The following MAML2 variants were observed in gnomAD, a reference collection of about 807,000 sequenced individuals.
The protein encoded by MAML2 is mastermind-like protein 2.
In MAML2, 22 loss-of-function variants were observed where a neutral mutation model predicts 96.1. The ratio of observed to expected loss-of-function variants is 0.23; its 90% CI spans 0.16 to 0.33. The LOEUF (loss-of-function observed/expected upper bound fraction) is 0.33. MAML2 is among the 10% of genes least tolerant of loss of function. MAML2 has a pLI of 1.00. For missense variants in MAML2, 1,367 were observed against 1,392.4 expected (o/e 0.98, Z 0.29); for synonymous variants, 561 against 521.3 (o/e 1.08, Z -1.04).
intron 4 of MAML2, among the ~76,000 whole-genome samples, chr11:95,981,147 C>T (rs562429551): frequency 3.0e-4 from 46 of 152,106 alleles, no homozygotes; most frequent in Non-Finnish European, 5.4e-4. Context: ...TCCTTTTTGC[C>T]GAATAAATTC....
intron 1 of MAML2, among the ~76,000 whole-genome samples, chr11:96,319,809 C>T (rs935409275): frequency 1.3e-5 from 2 of 152,144 alleles, no homozygotes; most frequent in Non-Finnish European, 2.9e-5. Context: ...AACTTAAATT[C>T]TAGGTTAGGG....
intron 4 of MAML2, among the ~76,000 whole-genome samples, chr11:95,983,466 A>G (rs1857774331): frequency 6.6e-6 from 1 of 152,152 alleles, no homozygotes; most frequent in Non-Finnish European, 1.5e-5. Flanking sequence ...GCTAGATAGG[A>G]GGAATAAGTC....
At chr11:96,235,300 C>T (rs1422100988) in intron 1 of MAML2, among the ~76,000 whole-genome samples, 2 of 152,180 alleles carry the variant, frequency 1.3e-5, no homozygotes, top group African/African-American at 4.8e-5. Context: ...CATAGACACA[C>T]TCTTTTGTTT....
chr11:96,246,310 G>A (rs918200272), intron 1 of MAML2, among the ~76,000 whole-genome samples: 2 of 152,128 alleles, frequency 1.3e-5, no homozygotes, highest in East Asian at 3.8e-4. Context: ...GGATTCTGAA[G>A]TATAAGGAGG....
intron 2 of MAML2, among the ~76,000 whole-genome samples, chr11:96,053,420 T>A (rs1859017069): frequency 6.6e-6 from 1 of 152,208 alleles, no homozygotes; most frequent in Non-Finnish European, 1.5e-5. Context: ...TAAATTGCTC[T>A]TCTCCCCGAC....
At chr11:96,029,836 T>C (rs1858583215) in intron 2 of MAML2, among the ~76,000 whole-genome samples, 1 of 152,140 alleles carries the variant, frequency 6.6e-6, no homozygotes, top group African/African-American at 2.4e-5. Flanking sequence ...AGAAACCCCA[T>C]CTCATGTCAA....
chr11:96,081,610 T>C (rs923753346), intron 2 of MAML2, among the ~76,000 whole-genome samples: 2 of 152,214 alleles, frequency 1.3e-5, no homozygotes, highest in Non-Finnish European at 2.9e-5. Flanking sequence ...AAATCACCCA[T>C]TGCAAGTTTC....
intron 1 of MAML2, among the ~76,000 whole-genome samples, chr11:96,175,113 C>T (rs1326037266): frequency 2.0e-5 from 3 of 152,172 alleles, no homozygotes; most frequent in Non-Finnish European, 4.4e-5. Context: ...TTAATCTAAG[C>T]CTTCTAATAA....
At chr11:96,185,048 C>T (rs541887137) in intron 1 of MAML2, among the ~76,000 whole-genome samples, 1 of 152,196 alleles carries the variant, frequency 6.6e-6, no homozygotes, top group East Asian at 1.9e-4. Context: ...TTTTATTCAT[C>T]CAATTGGCAC....
intron 1 of MAML2, among the ~76,000 whole-genome samples, chr11:96,283,317 T>A (rs967089610): frequency 6.6e-5 from 10 of 152,210 alleles, no homozygotes; most frequent in Admixed American, 1.3e-4. Context: ...AGAAATTAAG[T>A]AAGGGCACTC....
At chr11:96,164,454 C>T (rs76562119) in intron 1 of MAML2, among the ~76,000 whole-genome samples, 1,618 of 152,288 alleles carry the variant, frequency 0.011, 14 homozygotes, top group African/African-American at 0.023. Context: ...TAACAGAGTC[C>T]TATGGCACCT....
chr11:96,067,096 G>A (rs1288142924), intron 2 of MAML2, among the ~76,000 whole-genome samples: 2 of 152,204 alleles, frequency 1.3e-5, no homozygotes, highest in East Asian at 3.8e-4. Flanking sequence ...GGAGGGTTCT[G>A]AGTGGGGAGG....
intron 2 of MAML2, among the ~76,000 whole-genome samples, chr11:96,012,453 C>T (rs926800035): frequency 1.3e-5 from 2 of 152,212 alleles, no homozygotes; most frequent in Non-Finnish European, 2.9e-5. Context: ...TCTCTGTGCT[C>T]CACTGTGCCA....
At chr11:96,185,042 A>T (rs1209025731) in intron 1 of MAML2, among the ~76,000 whole-genome samples, 2 of 152,198 alleles carry the variant, frequency 1.3e-5, no homozygotes, top group African/African-American at 4.8e-5. Flanking sequence ...TTTAGATTTT[A>T]TTCATCCAAT....
chr11:96,300,776 A>T (rs1863374995), intron 1 of MAML2, among the ~76,000 whole-genome samples: 2 of 152,216 alleles, frequency 1.3e-5, no homozygotes, highest in Admixed American at 6.5e-5. Flanking sequence ...GGCTTCGGAC[A>T]ATGAGCAGGA....
intron 2 of MAML2, among the ~76,000 whole-genome samples, chr11:96,047,739 TC>T (rs961577374): frequency 2.6e-5 from 4 of 151,140 alleles, no homozygotes; most frequent in African/African-American, 9.7e-5. Context: ...TGAAACCCTG[TC>T]TCTACTAAAA....
chr11:96,040,546 C>T (rs1171039568), intron 2 of MAML2, among the ~76,000 whole-genome samples: 1 of 152,168 alleles, frequency 6.6e-6, no homozygotes, highest in Non-Finnish European at 1.5e-5. Context: ...GCGGGTGGAT[C>T]ACCTGAGGTC....
At chr11:96,080,695 G>C (rs1281136429) in intron 2 of MAML2, among the ~76,000 whole-genome samples, 1 of 152,178 alleles carries the variant, frequency 6.6e-6, no homozygotes, top group Admixed American at 6.5e-5. Flanking sequence ...CAATGATTAA[G>C]TATTTGCCGA....
At chr11:96,240,579 A>AAAAAAAAAAAAAAC (rs1862423681) in intron 1 of MAML2, among the ~76,000 whole-genome samples, 1 of 148,782 alleles carries the variant, frequency 6.7e-6, no homozygotes, top group Non-Finnish European at 1.5e-5. Context: ...AAAAAAAAAA[A>AAAAAAAAAAAAAAC]AAAAGAAAGC....
Sources: allele counts gnomAD v4.1 joint callset (sites outside exome capture counted in the v4.1 genomes callset), GRCh38; gene constraint gnomAD v4.1.1; transcripts MANE v1.5; gene names NCBI Gene and HGNC (gene_info 2026-07-23, HGNC 2026-07-21).